The following GRIN2C variants were observed in gnomAD, a reference collection of about 807,000 sequenced individuals.
The protein encoded by GRIN2C is glutamate ionotropic receptor NMDA type subunit 2C, also known as glutamate receptor ionotropic, NMDA 2C.
GRIN2C carries 64 observed loss-of-function variants against 77.7 expected under a neutral mutation model. That is an observed-to-expected ratio of 0.82 (90% CI 0.67 to 1.01). The LOEUF is 1.01. GRIN2C is among the 50% of genes least tolerant of loss of function. The probability of loss-of-function intolerance (pLI) is 0.00; values close to 1 mark genes in which losing one functional copy is unlikely to be tolerated. For synonymous variants in GRIN2C, 792 were observed against 643.4 expected (o/e 1.23, Z -3.49); for missense variants, 1,549 against 1,486.0 (o/e 1.04, Z -0.70).
Position 74,850,913 on chromosome 17 carries a change from C to T in GRIN2C, c.1114-146G>A, listed in dbSNP as rs542251236. 3 of 660,744 alleles carry T rather than the reference C, an allele frequency of 4.5e-6. No homozygotes were observed. The highest frequency in any genetic ancestry group is 3.6e-5 in the African/African-American group (2 of 55,590). 40.9% of individuals were successfully genotyped at this position (660,744 alleles called of 1,614,324 possible). On this transcript the variant is annotated intron_variant, in intron 4 of 12. Transcript: ENST00000293190. The surrounding 1 kb of genome is among the most constrained non-coding windows in gnomAD (Gnocchi z 5.3). Reference sequence around the variant, plus strand: ...TAGGGCTGCTCCCAACAGCCTCCCCCAGCCTCGGGTCCCTGTGTTCATACA... The same window carrying T: ...TAGGGCTGCTCCCAACAGCCTCCCCTAGCCTCGGGTCCCTGTGTTCATACA...
intron 2 of GRIN2C, chr17:74,853,407 G>T (rs1224385740): frequency 7.2e-5 from 11 of 152,240 alleles, no homozygotes; most frequent in Non-Finnish European, 8.8e-5. Context: ...CAACCGGCAC[G>T]TGTGGACCCG....
intron 4 of GRIN2C, chr17:74,851,292 T>C (rs1289665901): frequency 1.5e-5 from 6 of 399,362 alleles, no homozygotes; most frequent in Non-Finnish European, 2.3e-5. Context: ...CTGGCCAGCA[T>C]GGTCATGGGT....
rs1193967789 is a variant in GRIN2C, at chr17:74,850,746, C to T, written c.1135G>A (p.Val379Ile). The change falls in exon 5 of 13, where the codon GTC becomes ATC. Residue 379 changes from valine to isoleucine, a missense_variant. Val to Ile is a conservative substitution (Grantham distance 29, BLOSUM62 3). This residue lies in a region of GRIN2C where 717 missense variants were observed against 858.1 expected (regional missense o/e 0.84). Coordinates refer to ENST00000293190, the MANE Select transcript of GRIN2C (RefSeq NM_000835.6). This position sits in a 1 kb window ranked among gnomAD's most constrained non-coding sequence, Gnocchi z 5.3. ...CACACGGGGTACTTCATGTATAGGA[C>T]GCCATGCTCCCAGCGCCCCACCTGT... is the stretch of plus-strand genomic sequence containing the variant. ...WEMVGRWEHG[V>I]LYMKYPVWPR... 18 of 1,612,698 alleles carry T rather than the reference C, an allele frequency of 1.1e-5. No homozygotes were observed. Among genetic ancestry groups the T allele is most frequent in the South Asian group, 1.1e-5 (1 of 91,028 alleles).
chr17:74,849,681 T>G lies in GRIN2C; in HGVS notation c.1645+99A>C. On this transcript the variant is annotated intron_variant, in intron 7 of 12. Transcript: ENST00000293190. The surrounding 1 kb of genome is among the most constrained non-coding windows in gnomAD (Gnocchi z 4.6). Reference sequence around the variant, plus strand: ...ACCCAAGGCTGCTGTGCTTGGCCTGTGAGAGCCCACCCAACTCCCCATCCC... The same window carrying G: ...ACCCAAGGCTGCTGTGCTTGGCCTGGGAGAGCCCACCCAACTCCCCATCCC... 8.8e-7 allele frequency: 1 copy of G among 1,139,988 alleles called. No homozygotes were observed. The highest frequency in any genetic ancestry group is 1.3e-6 in the Non-Finnish European group (1 of 795,694). The allele number at this position is 1,139,988 out of a possible 1,614,324, so 70.6% of individuals were successfully genotyped here.
rs368710801 is a variant in GRIN2C, at chr17:74,849,749, C to T, written c.1645+31G>A. 117 of 1,596,842 alleles carry T rather than the reference C, an allele frequency of 7.3e-5. No individual in the cohort carries two copies. Among genetic ancestry groups the T allele is most frequent in the Non-Finnish European group, 9.5e-5 (112 of 1,175,058 alleles). ...CCCTCCTCGTGGGCCCCTCTGCCCC[C>T]GGAGCCGTCTCTGCCCACCCTGGGC... is the stretch of plus-strand genomic sequence containing the variant. On this transcript the variant is annotated intron_variant, in intron 7 of 12. Transcript: ENST00000293190. The surrounding 1 kb of genome is among the most constrained non-coding windows in gnomAD (Gnocchi z 4.6).
chr17:74,847,512 G>C lies in GRIN2C; in HGVS notation c.1797C>G (p.Ile599Met), dbSNP rs773616276. The change falls in exon 9 of 13, where the codon ATC (isoleucine) becomes ATG (methionine). Residue 599 changes from isoleucine (I) to methionine (M), a missense_variant. Around this residue, in one of 3 missense-constraint regions of GRIN2C, gnomAD observed 717 missense variants for 858.1 expected, o/e 0.84. Coordinates refer to ENST00000293190, the MANE Select transcript of GRIN2C (RefSeq NM_000835.6). This position sits in a 1 kb window ranked among gnomAD's most constrained non-coding sequence, Gnocchi z 5.2. ...CCCACAGCAGCCACACGGACTTGCC[G>C]ATAGTGAAAGCTGGGCCCCCGGACT... ...GKKSGGPAFT[I>M]GKSVWLLWAL... The C allele has an allele frequency of 6.2e-7, 1 of 1,613,638 alleles. No homozygotes were observed.
rs2037585918 is a variant in GRIN2C at position 74,850,026 on chromosome 17, C to T, written c.1492-93G>A. ...CTCCAGACACCCCTTCTAGCACCCA[C>T]CAGCTGAGTCAATCATTCCCTCTGG... On this transcript the variant is annotated intron_variant, in intron 6 of 12. Coordinates refer to ENST00000293190, the MANE Select transcript of GRIN2C (RefSeq NM_000835.6). The surrounding 1 kb of genome is among the most constrained non-coding windows in gnomAD (Gnocchi z 5.3). 2.1e-6 allele frequency: 3 copies of T among 1,425,704 alleles called. No individual in the cohort carries two copies. The highest frequency in any genetic ancestry group is 1.3e-5 in the South Asian group (1 of 78,256). The allele number at this position is 1,425,704 out of a possible 1,614,324, so 88.3% of individuals were successfully genotyped here. A position where few individuals can be genotyped will look rare whatever the true frequency, so the allele number is the denominator to read the frequency against.
intron 12 of GRIN2C, chr17:74,844,056 T>G (rs1332200529): frequency 2.3e-6 from 2 of 880,924 alleles, no homozygotes; most frequent in African/African-American, 3.4e-5. Context: ...TTATTTTCTG[T>G]AGAGATGGGT....
rs1490020799 is a variant in GRIN2C, at chr17:74,859,539, G to C, written c.-16+205C>G. On this transcript the variant is annotated intron_variant, in intron 1 of 12. Transcript: ENST00000293190. This position sits in a 1 kb window ranked among gnomAD's most constrained non-coding sequence, Gnocchi z 5.9. ...TCCGGTGAGCCGCCCCTCCTTTGCC[G>C]TCGGGTTTCCCTCCCTCCCTTTTGC... 1.3e-5 allele frequency among the ~76,000 whole-genome samples: 2 copies of C among 150,314 alleles called. No homozygotes were observed. Among genetic ancestry groups the C allele is most frequent in the African/African-American group, 4.9e-5 (2 of 40,704 alleles).
rs1225087790 is a variant in GRIN2C, at chr17:74,843,483, G to T, written c.2654C>A (p.Thr885Lys). The T allele has an allele frequency of 6.5e-7, 1 of 1,534,016 alleles. No homozygotes were observed. The highest frequency in any genetic ancestry group is 8.7e-7 in the Non-Finnish European group (1 of 1,146,362). Residue 885 changes from threonine (T) to lysine (K), a missense_variant, in exon 13 of 13, where the codon ACG (threonine) becomes AAG (lysine). Physicochemically the swap from Thr to Lys is moderately conservative, Grantham distance 78 (BLOSUM62 -1). This residue lies in a region of GRIN2C where 450 missense variants were observed against 267.9 expected (regional missense o/e 1.68). Coordinates refer to ENST00000293190, the MANE Select transcript of GRIN2C (RefSeq NM_000835.6). Reference protein sequence around the residue: ...SPPRQASPDLTASSAQASVLK... With the variant: ...SPPRQASPDLKASSAQASVLK... ...CACGCTGGCCTGGGCCGAGCTGGCC[G>T]TGAGGTCCGGGCTGGCCTGCCGCGG... is the stretch of plus-strand genomic sequence containing the variant.
Position 74,852,269 on chromosome 17 carries a change from GC to G in GRIN2C, c.741del (p.Gly249AlafsTer88). ...FAEAAQAGLV[G>X]PGHVWLVPNL... The stretch of plus-strand genomic sequence containing the variant: ...TTGGGCACCAGCCACACGTGGCCGG[GC>G]CCCACCAGACCGGCCTGCGCCGCCT... On this transcript the variant is annotated frameshift_variant, in exon 3 of 13. Transcript: ENST00000293190. LOFTEE classifies it high-confidence loss of function. 2 of 1,408,514 alleles carry G rather than the reference GC, an allele frequency of 1.4e-6. No homozygotes were observed. Among genetic ancestry groups the G allele is most frequent in the Non-Finnish European group, 1.8e-6 (2 of 1,087,364 alleles). 87.3% of individuals were successfully genotyped at this position (1,408,514 alleles called of 1,614,324 possible).
chr17:74,852,297 G>C lies in GRIN2C; in HGVS notation c.714C>G (p.Ala238=). 7.0e-7 allele frequency: 1 copy of C among 1,428,490 alleles called. No individual in the cohort carries two copies. Among genetic ancestry groups the C allele is most frequent in the Non-Finnish European group, 9.1e-7 (1 of 1,098,030 alleles). The allele number at this position is 1,428,490 out of a possible 1,614,324, so 88.5% of individuals were successfully genotyped here. A position where few individuals can be genotyped will look rare whatever the true frequency, so the allele number is the denominator to read the frequency against. Residue 238 remains alanine, a synonymous_variant, in exon 3 of 13, where the codon GCC becomes GCG. Transcript: ENST00000293190. ...CCACCAGACCGGCCTGCGCCGCCTC[G>C]GCGAAGAGCACCTCGGCCTCCTCGC... ...CSREEAEVLF[A]EAAQAGLVGP... is the part of the protein sequence containing the mutation.
intron 2 of GRIN2C, chr17:74,854,349 T>C (rs569970495): frequency 7.6e-5 from 19 of 248,492 alleles, no homozygotes; most frequent in African/African-American, 4.2e-4. Flanking sequence ...CCAGAGGGCA[T>C]GGCACCACCT....
Position 74,842,329 on chromosome 17 carries a change from C to G in GRIN2C, c.*106G>C, listed in dbSNP as rs1465977659. On this transcript the variant is annotated 3_prime_UTR_variant, in exon 13 of 13. Coordinates refer to ENST00000293190, the MANE Select transcript of GRIN2C (RefSeq NM_000835.6). The stretch of plus-strand genomic sequence containing the variant: ...TCATCTGTCACTGGGGTCCCATGGC[C>G]AGGATTTCATGGCAGAAGCCAGAAA... 12 of 645,460 alleles carry G rather than the reference C, an allele frequency of 1.9e-5. No homozygotes were observed. In the African/African-American group the frequency reaches 2.0e-4, roughly 11 times the overall value. 40.0% of individuals were successfully genotyped at this position (645,460 alleles called of 1,614,324 possible).
chr17:74,844,897 A>G (rs1282282620), intron 11 of GRIN2C, among the ~76,000 whole-genome samples: 1 of 152,130 alleles, frequency 6.6e-6, no homozygotes, highest in Non-Finnish European at 1.5e-5. Context: ...CTAGGCTCCT[A>G]AGAGACACAC....
Position 74,852,110 on chromosome 17 carries a change from G to C in GRIN2C, c.901C>G (p.His301Asp). 6.8e-7 allele frequency: 1 copy of C among 1,460,294 alleles called. No homozygotes were observed. Among genetic ancestry groups the C allele is most frequent in the Non-Finnish European group, 9.0e-7 (1 of 1,105,100 alleles). 90.5% of individuals were successfully genotyped at this position (1,460,294 alleles called of 1,614,324 possible). The change falls in exon 3 of 13, where the codon CAC becomes GAC. Residue 301 changes from histidine to aspartate, a missense_variant. By Grantham distance (81) the His-to-Asp change is moderately conservative. Around this residue, in one of 3 missense-constraint regions of GRIN2C, gnomAD observed 717 missense variants for 858.1 expected, o/e 0.84. Coordinates refer to ENST00000293190, the MANE Select transcript of GRIN2C (RefSeq NM_000835.6). The stretch of plus-strand genomic sequence containing the variant: ...GTTCCATGCTGGCGCCAGTAGCTGT[G>C]GGCGCCCAGGGCCAGAATGGCCACG... ...DGVAILALGA[H>D]SYWRQHGTLP...
intron 2 of GRIN2C, 33 bp downstream of exon 2, chr17:74,854,661 G>T: frequency 6.3e-7 from 1 of 1,581,292 alleles, no homozygotes; most frequent in Non-Finnish European, 8.7e-7. Context: ...TTCCAGGCCT[G>T]AGGCACGAGG....
rs1348636633 is a variant in GRIN2C at position 74,855,076 on chromosome 17, C to A, written c.17G>T (p.Gly6Val). The A allele has an allele frequency of 6.3e-7, 1 of 1,589,354 alleles. No individual in the cohort carries two copies. The highest frequency in any genetic ancestry group is 8.5e-7 in the Non-Finnish European group (1 of 1,173,922). Residue 6 changes from glycine to valine, a missense_variant, in exon 2 of 13, where the codon GGG becomes GTG. Gly to Val is a moderately radical substitution (Grantham distance 109). Coordinates refer to ENST00000293190, the MANE Select transcript of GRIN2C (RefSeq NM_000835.6). Reference sequence around the variant, plus strand: ...GAGCGAGGTGAGCAACAGGGCCGGCCCCAGGGCCCCACCCATGTCCACCGG... The same window carrying A: ...GAGCGAGGTGAGCAACAGGGCCGGCACCAGGGCCCCACCCATGTCCACCGG... MGGAL[G>V]PALLLTSLFG...
Position 74,852,455 on chromosome 17 carries a change from C to T in GRIN2C, c.556G>A (p.Ala186Thr). ...ALFLEGVRAV[A>T]DASHVSWRLL... ...CGCCAACTCACGTGGCTGGCGTCGGCGACGGCGCGCACGCCCTCCAGGAAG... is the reference window on the plus strand; with the variant it reads ...CGCCAACTCACGTGGCTGGCGTCGGTGACGGCGCGCACGCCCTCCAGGAAG... The change falls in exon 3 of 13, where the codon GCC (alanine) becomes ACC (threonine). Residue 186 changes from alanine (A) to threonine (T), a missense_variant. Ala to Thr is a moderately conservative substitution (Grantham distance 58, BLOSUM62 0). Around this residue, in one of 3 missense-constraint regions of GRIN2C, gnomAD observed 382 missense variants for 360.0 expected, o/e 1.06. Coordinates refer to ENST00000293190, the MANE Select transcript of GRIN2C (RefSeq NM_000835.6). 2 of 1,547,644 alleles carry T rather than the reference C, an allele frequency of 1.3e-6. No homozygotes were observed. The highest frequency in any genetic ancestry group is 8.6e-7 in the Non-Finnish European group (1 of 1,157,222).
Sources: allele counts gnomAD v4.1 joint callset (sites outside exome capture counted in the v4.1 genomes callset), GRCh38; gene constraint gnomAD v4.1.1; regional missense constraint gnomAD v4.1.1; non-coding constraint Gnocchi (gnomAD v3.1); transcripts MANE v1.5; gene names NCBI Gene and HGNC (gene_info 2026-07-23, HGNC 2026-07-21).